Variants in SFTPA2 observed in about 807,000 individuals in gnomAD.
SFTPA2 encodes surfactant protein A2, also known as pulmonary surfactant-associated protein A2.
Under a neutral mutation model 20.3 loss-of-function variants are expected in SFTPA2, and 21 were observed. That is an observed-to-expected ratio of 1.03 (90% CI 0.73 to 1.49). The LOEUF is 1.49. SFTPA2 is among the 40% of genes most tolerant of loss of function. SFTPA2 has a pLI of 0.00. For missense variants in SFTPA2, 302 were observed against 314.8 expected, an observed-to-expected ratio of 0.96 and a Z score of 0.31; for synonymous variants, 116 against 118.7, an observed-to-expected ratio of 0.98 and a Z score of 0.15.
At chr10:79,559,615 G>C in intron 2 of SFTPA2, 109 bp from the exon 3 acceptor site, 1 of 1,582,846 alleles carries the variant, frequency 6.3e-7, no homozygotes, top group Non-Finnish European at 8.6e-7. Context: ...CAGGGCGGGC[G>C]AGACCAGAGT....
In SFTPA2 at chr10:79,555,880, A is replaced by G. The variant is rs1473740483; in HGVS notation, c.*1329T>C. On this transcript the variant is annotated 3_prime_UTR_variant, in exon 6 of 6. Transcript: ENST00000372325. ...GGAAACTCATGTGAACACACTAACG[A>G]TTTATTATGCTTAAATCATCTTTAT... 1 of 152,288 alleles carries G rather than the reference A, an allele frequency of 6.6e-6. No individual in the cohort carries two copies. Among genetic ancestry groups the G allele is most frequent in the South Asian group, 2.1e-4 (1 of 4,826 alleles). 9.4% of individuals were successfully genotyped at this position (152,288 alleles called of 1,614,324 possible). A position where few individuals can be genotyped will look rare whatever the true frequency, so the allele number is the denominator to read the frequency against.
intron 5 of SFTPA2, 109 bp from the exon 6 acceptor site, chr10:79,557,694 T>G: frequency 7.0e-7 from 1 of 1,428,462 alleles, no homozygotes; most frequent in Non-Finnish European, 9.7e-7. Context: ...CATCTCTGCC[T>G]CTCTCTGTGT....
rs1859007182 is a variant in SFTPA2 at position 79,559,010 on chromosome 10, A to C, written c.173-5T>G. The C allele has an allele frequency of 5.0e-6, 8 of 1,614,206 alleles. No individual in the cohort carries two copies. In the Middle Eastern group the frequency reaches 5.0e-4, roughly 100 times the overall value. On this transcript the variant is annotated splice_polypyrimidine_tract_variant and splice_region_variant and intron_variant, in intron 3 of 5. Coordinates refer to ENST00000372325, the MANE Select transcript of SFTPA2 (RefSeq NM_001098668.4). The stretch of plus-strand genomic sequence containing the variant: ...CTCCAGGCGGACCCATGGGGCCTGC[A>C]GAGAAAAGAGACATGGATGTGTAGG...
In SFTPA2 at chr10:79,556,954, G is replaced by T. The variant is rs528428308; in HGVS notation, c.*255C>A. On this transcript the variant is annotated 3_prime_UTR_variant, in exon 6 of 6. Transcript: ENST00000372325. ...AAGGAGGCCTCCATCTCATGCCAAAGGCCAAGGCTAGGAGTGGCTGCCTGG... is the reference window on the plus strand; with the variant it reads ...AAGGAGGCCTCCATCTCATGCCAAATGCCAAGGCTAGGAGTGGCTGCCTGG... The T allele has an allele frequency of 3.2e-6, 2 of 619,064 alleles. No homozygotes were observed. Among genetic ancestry groups the T allele is most frequent in the East Asian group, 2.9e-5 (1 of 34,620 alleles). 38.3% of individuals were successfully genotyped at this position (619,064 alleles called of 1,614,324 possible).
rs894052670 is a variant in SFTPA2 at position 79,557,317 on chromosome 10, T to A, written c.639A>T (p.Arg213=). 29 of 1,613,376 alleles carry A rather than the reference T, an allele frequency of 1.8e-5. No individual in the cohort carries two copies. The highest frequency in any genetic ancestry group is 2.4e-5 in the Non-Finnish European group (28 of 1,179,464). Reference sequence around the variant, plus strand: ...CTTTTCCCCGACCTGCAGGCTCCCCTCGGTACCAGTTGGTGTAGTTTACAG... The same window carrying A: ...CTTTTCCCCGACCTGCAGGCTCCCCACGGTACCAGTTGGTGTAGTTTACAG... The part of the protein sequence containing the change: ...GTPVNYTNWY[R]GEPAGRGKEQ... The change falls in exon 6 of 6, where the codon CGA becomes CGT. Residue 213 remains arginine (R), a synonymous_variant. Transcript: ENST00000372325.
rs958307876 is a variant in SFTPA2 at position 79,557,126 on chromosome 10, A to G, written c.*83T>C. On this transcript the variant is annotated 3_prime_UTR_variant, in exon 6 of 6. Transcript: ENST00000372325. ...GTGAATTCTGTTGAAAGGGAGTTCTAGCATCTCACAGACCAAGTGGATCCT... is the reference window on the plus strand; with the variant it reads ...GTGAATTCTGTTGAAAGGGAGTTCTGGCATCTCACAGACCAAGTGGATCCT... The G allele has an allele frequency of 9.3e-6, 15 of 1,610,400 alleles. No individual in the cohort carries two copies. The highest frequency in any genetic ancestry group is 8.4e-5 in the Admixed American group (5 of 59,818).
rs17883588 is a variant in SFTPA2 at position 79,556,934 on chromosome 10, G to A, written c.*275C>T. ...AACTGGACCAGATGGGGAATAAGGA[G>A]GCCTCCATCTCATGCCAAAGGCCAA... is the stretch of plus-strand genomic sequence containing the variant. On this transcript the variant is annotated 3_prime_UTR_variant, in exon 6 of 6. Transcript: ENST00000372325. 0.17 allele frequency: 92,868 copies of A among 558,344 alleles called. 8,241 individuals carry two copies. Among genetic ancestry groups the A allele is most frequent in the South Asian group, 0.23 (10,731 of 47,052 alleles). The allele number at this position is 558,344 out of a possible 1,614,324, so 34.6% of individuals were successfully genotyped here.
In SFTPA2 at chr10:79,559,319, G is replaced by T. The variant is rs374934406; in HGVS notation, c.165C>A (p.Gly55=). 1,790 of 1,613,724 alleles carry T rather than the reference G, an allele frequency of 1.1e-3. 3 individuals are homozygous for T. Among genetic ancestry groups the T allele is most frequent in the Admixed American group, 3.0e-3 (177 of 59,988 alleles). ...GGGTCTGCAGCACAGTACCTGGAGG[G>T]CCAGGGTCTCCTTTGACACCATCTC... The part of the protein sequence containing the change: ...DGRDGVKGDP[G]PPGPMGPPGE... Residue 55 remains glycine, a synonymous_variant, in exon 3 of 6, where the codon GGC becomes GGA. Transcript: ENST00000372325.
At chr10:79,559,890 C>T (rs1428899375) in intron 2 of SFTPA2, 79 bp downstream of exon 2, 2 of 1,376,294 alleles carry the variant, frequency 1.5e-6, no homozygotes, top group Admixed American at 2.9e-5. Flanking sequence ...CCTGCCCTGT[C>T]CCTCCCAGGC....
In SFTPA2 at chr10:79,559,956, T is replaced by G. The variant is rs978798393; in HGVS notation, c.-24+13A>C. 4.2e-5 allele frequency: 54 copies of G among 1,286,236 alleles called. No homozygotes were observed. The highest frequency in any genetic ancestry group is 5.2e-5 in the Non-Finnish European group (53 of 1,013,328). The allele number at this position is 1,286,236 out of a possible 1,614,324, so 79.7% of individuals were successfully genotyped here. A position where few individuals can be genotyped will look rare whatever the true frequency, so the allele number is the denominator to read the frequency against. On this transcript the variant is annotated intron_variant, in intron 2 of 5. Transcript: ENST00000372325. Reference sequence around the variant, plus strand: ...ACTGACTCACTCCATCTGTCCCTCATATGCCCAGTTACCTTCTTTTCAGGC... The same window carrying G: ...ACTGACTCACTCCATCTGTCCCTCAGATGCCCAGTTACCTTCTTTTCAGGC...
rs1858843349 is a variant in SFTPA2 at position 79,557,304 on chromosome 10, C to G, written c.652G>C (p.Gly218Arg). ...YTNWYRGEPA[G>R]RGKEQCVEMY... ...TCCACACACTGCTCTTTTCCCCGAC[C>G]TGCAGGCTCCCCTCGGTACCAGTTG... The change falls in exon 6 of 6, where the codon GGT becomes CGT. Residue 218 changes from glycine to arginine, a missense_variant. Gly to Arg is a moderately radical substitution (Grantham distance 125). Transcript: ENST00000372325. 1 of 1,613,544 alleles carries G rather than the reference C, an allele frequency of 6.2e-7. No individual in the cohort carries two copies. Among genetic ancestry groups the G allele is most frequent in the East Asian group, 2.2e-5 (1 of 44,884 alleles).
chr10:79,559,899 G>T (rs1859091591), intron 2 of SFTPA2, 70 bp downstream of exon 2: 2 of 1,374,938 alleles, frequency 1.5e-6, no homozygotes, highest in Non-Finnish European at 1.9e-6. Flanking sequence ...TCCCTCCCAG[G>T]CTGTTAGAAG....
In SFTPA2 at chr10:79,559,303, G is replaced by A. The variant is rs1859031393; in HGVS notation, c.172+9C>T. ...CCCTCAGCTGAGGGTGGGGTCTGCA[G>A]CACAGTACCTGGAGGGCCAGGGTCT... On this transcript the variant is annotated intron_variant, in intron 3 of 5. Coordinates refer to ENST00000372325, the MANE Select transcript of SFTPA2 (RefSeq NM_001098668.4). The A allele has an allele frequency of 1.9e-6, 3 of 1,613,482 alleles. No individual in the cohort carries two copies. Among genetic ancestry groups the A allele is most frequent in the Non-Finnish European group, 2.5e-6 (3 of 1,179,756 alleles).
intron 4 of SFTPA2, 113 bp downstream of exon 4, chr10:79,558,773 C>G (rs1858970681): frequency 1.3e-6 from 2 of 1,574,882 alleles, no homozygotes; most frequent in Non-Finnish European, 1.7e-6. Flanking sequence ...TTAGGTTGAG[C>G]CAAATGCCCT....
Position 79,558,874 on chromosome 10 carries a change from C to T in SFTPA2, c.292+12G>A, listed in dbSNP as rs769906268. 8.1e-6 allele frequency: 13 copies of T among 1,614,008 alleles called. No individual in the cohort carries two copies. Among genetic ancestry groups the T allele is most frequent in the Admixed American group, 5.0e-5 (3 of 60,010 alleles). ...CCATGTTTCCACTGCCCACCTGCCC[C>T]GCCCTGCTCACCTGGAGGGCCTCTC... On this transcript the variant is annotated intron_variant, in intron 4 of 5. Transcript: ENST00000372325.
Position 79,558,996 on chromosome 10 carries a change from C to T in SFTPA2, c.182G>A (p.Gly61Asp). Residue 61 changes from glycine (G) to aspartate (D), a missense_variant, in exon 4 of 6, where the codon GGT becomes GAT. Physicochemically the swap from Gly to Asp is moderately conservative, Grantham distance 94 (BLOSUM62 -1). This residue lies in a region of SFTPA2 where 264 missense variants were observed against 261.7 expected (regional missense o/e 1.01). Coordinates refer to ENST00000372325, the MANE Select transcript of SFTPA2 (RefSeq NM_001098668.4). ...KGDPGPPGPM[G>D]PPGETPCPPG... ...AGGACATGGTGTTTCTCCAGGCGGA[C>T]CCATGGGGCCTGCAGAGAAAAGAGA... 3.7e-6 allele frequency: 6 copies of T among 1,614,132 alleles called. No homozygotes were observed. Among genetic ancestry groups the T allele is most frequent in the Admixed American group, 1.7e-5 (1 of 60,024 alleles).
Position 79,556,626 on chromosome 10 carries a change from A to G in SFTPA2, c.*583T>C, listed in dbSNP as rs901748905. On this transcript the variant is annotated 3_prime_UTR_variant, in exon 6 of 6. Coordinates refer to ENST00000372325, the MANE Select transcript of SFTPA2 (RefSeq NM_001098668.4). ...GGCTTGGGCACCACCGTGCTGGGGC[A>G]CCACTGGGCCCTCTGACCACCTGGA... The G allele has an allele frequency of 6.1e-6, 1 of 162,852 alleles. No homozygotes were observed. The highest frequency in any genetic ancestry group is 2.4e-5 in the African/African-American group (1 of 41,582). 10.1% of individuals were successfully genotyped at this position (162,852 alleles called of 1,614,324 possible). A position where few individuals can be genotyped will look rare whatever the true frequency, so the allele number is the denominator to read the frequency against.
At chr10:79,559,755 C>T in intron 2 of SFTPA2, 2 of 1,529,300 alleles carry the variant, frequency 1.3e-6, no homozygotes, top group South Asian at 1.2e-5. Flanking sequence ...GAGTAAGGAG[C>T]TCTGGGGAGC....
chr10:79,557,308 A>G lies in SFTPA2; in HGVS notation c.648T>C (p.Pro216=), dbSNP rs17096771. The change falls in exon 6 of 6, where the codon CCT becomes CCC. Residue 216 remains proline, a synonymous_variant. Transcript: ENST00000372325. The part of the protein sequence containing the change: ...VNYTNWYRGE[P]AGRGKEQCVE... Reference sequence around the variant, plus strand: ...CACACTGCTCTTTTCCCCGACCTGCAGGCTCCCCTCGGTACCAGTTGGTGT... The same window carrying G: ...CACACTGCTCTTTTCCCCGACCTGCGGGCTCCCCTCGGTACCAGTTGGTGT... 1,480 of 1,610,236 alleles carry G rather than the reference A, an allele frequency of 9.2e-4. 16 individuals carry two copies. In the South Asian group the frequency reaches 9.9e-3, roughly 11 times the overall value.
Sources: allele counts gnomAD v4.1 joint callset, GRCh38; gene constraint gnomAD v4.1.1; regional missense constraint gnomAD v4.1.1; transcripts MANE v1.5; gene names NCBI Gene and HGNC (gene_info 2026-07-23, HGNC 2026-07-21).